IGF2BP2: variants seen among roughly 807,000 people sequenced by gnomAD.
IGF2BP2 encodes the protein insulin-like growth factor 2 mRNA-binding protein 2.
IGF2BP2 carries 17 observed loss-of-function variants against 75.8 expected under a neutral mutation model. The ratio of observed to expected loss-of-function variants is 0.22; its 90% confidence interval spans 0.15 to 0.34. The LOEUF is 0.34. IGF2BP2 is among the 10% of genes least tolerant of loss of function. The pLI is 1.00. For synonymous variants in IGF2BP2, 288 were observed against 295.6 expected, an observed-to-expected ratio of 0.97 and a Z score of 0.26; for missense variants, 516 against 772.4, an observed-to-expected ratio of 0.67 and a Z score of 3.93.
chr3:185,672,717 G>A, intron 9 of IGF2BP2, 48 bp from the exon 10 acceptor site: 1 of 1,609,690 alleles, frequency 6.2e-7, no homozygotes, highest in Non-Finnish European at 8.5e-7. Context: ...GACCAGAGAG[G>A]CCCGCACGCC....
chr3:185,735,784 T>C (rs971285699), intron 2 of IGF2BP2, among the ~76,000 whole-genome samples: 2 of 152,174 alleles, frequency 1.3e-5, no homozygotes, highest in Non-Finnish European at 2.9e-5. Flanking sequence ...CCTTTTCATT[T>C]CCATCACCAT....
intron 2 of IGF2BP2, chr3:185,722,319 T>C (rs1200666480): frequency 4.4e-6 from 2 of 449,826 alleles, no homozygotes; most frequent in East Asian, 7.1e-5. Context: ...TGCAGAGAGA[T>C]ATAAGATGAG....
chr3:185,705,622 A>G (rs542472425), intron 2 of IGF2BP2, among the ~76,000 whole-genome samples: 4 of 152,308 alleles, frequency 2.6e-5, no homozygotes, highest in African/African-American at 9.6e-5. Context: ...TACTATAACA[A>G]AACTCCATAG....
intron 7 of IGF2BP2, 122 bp from the exon 8 acceptor site, chr3:185,676,035 G>C: frequency 7.8e-7 from 1 of 1,287,782 alleles, no homozygotes; most frequent in Non-Finnish European, 1.1e-6. Context: ...AGTGATGATG[G>C]GATTTGGGAG....
Position 185,658,371 on chromosome 3 carries a change from G to A in IGF2BP2, c.1239C>T (p.His413=). 5.0e-6 allele frequency: 8 copies of A among 1,614,034 alleles called. No homozygotes were observed. Among genetic ancestry groups the A allele is most frequent in the Non-Finnish European group, 5.9e-6 (7 of 1,179,942 alleles). ...SGYFSSLYPH[H]QFGPFPHHHS... ...GATGATGCGGGAACGGGCCAAACTGGTGATGGGGGTACAGGCTGGAGAAGT... is the reference window on the plus strand; with the variant it reads ...GATGATGCGGGAACGGGCCAAACTGATGATGGGGGTACAGGCTGGAGAAGT... Residue 413 remains histidine (H), a synonymous_variant, in exon 11 of 16, where the codon CAC becomes CAT. Coordinates refer to ENST00000382199, the MANE Select transcript of IGF2BP2 (RefSeq NM_006548.6).
At chr3:185,713,133 T>C in intron 2 of IGF2BP2, 1 of 292,242 alleles carries the variant, frequency 3.4e-6, no homozygotes, top group Non-Finnish European at 6.8e-6. Context: ...GTGTGTGTCT[T>C]GGTGTAATAC....
intron 10 of IGF2BP2, among the ~76,000 whole-genome samples, chr3:185,670,962 A>C (rs1001551208): frequency 3.9e-5 from 6 of 152,092 alleles, no homozygotes; most frequent in Non-Finnish European, 7.4e-5. Context: ...CTAACGTTTG[A>C]GGTTATCTTC....
chr3:185,675,498 A>T, intron 8 of IGF2BP2, 67 bp from the exon 9 acceptor site: 1 of 1,568,042 alleles, frequency 6.4e-7, no homozygotes, highest in Non-Finnish European at 8.7e-7. Context: ...AAAAAATAAA[A>T]AAATCACAAA....
chr3:185,652,213 C>A, intron 12 of IGF2BP2, 45 bp from the exon 13 acceptor site: 1 of 1,514,526 alleles, frequency 6.6e-7, no homozygotes, highest in Non-Finnish European at 9.1e-7. Context: ...GGCTGCATTC[C>A]CCAGCCCCTC....
Position 185,824,981 on chromosome 3 carries a change from C to A in IGF2BP2, c.-21G>T, listed in dbSNP as rs773968656. On this transcript the variant is annotated 5_prime_UTR_variant, in exon 1 of 16. Coordinates refer to ENST00000382199, the MANE Select transcript of IGF2BP2 (RefSeq NM_006548.6). ...ATCATCCGTCTCTTCCCCGAGAGCC[C>A]GCGGCTCCCCCGGCCCGGTACCCGG... is the stretch of plus-strand genomic sequence containing the variant. 2.7e-6 allele frequency: 4 copies of A among 1,476,568 alleles called. No homozygotes were observed. Among genetic ancestry groups the A allele is most frequent in the Non-Finnish European group, 3.6e-6 (4 of 1,097,394 alleles). The allele number at this position is 1,476,568 out of a possible 1,614,324, so 91.5% of individuals were successfully genotyped here. A position where few individuals can be genotyped will look rare whatever the true frequency, so the allele number is the denominator to read the frequency against.
intron 10 of IGF2BP2, 34 bp downstream of exon 10, chr3:185,672,507 G>C: frequency 6.2e-7 from 1 of 1,603,432 alleles, no homozygotes; most frequent in Non-Finnish European, 8.5e-7. Context: ...GGTGCCCAGC[G>C]CATAAGCAAA....
At chr3:185,792,610 C>T (rs1397257058) in intron 2 of IGF2BP2, among the ~76,000 whole-genome samples, 2 of 151,660 alleles carry the variant, frequency 1.3e-5, no homozygotes, top group Non-Finnish European at 2.9e-5. Flanking sequence ...CTAAAAAATA[C>T]AAAAAAGTTA....
chr3:185,742,444 C>A (rs142019459), intron 2 of IGF2BP2, among the ~76,000 whole-genome samples: 3 of 151,720 alleles, frequency 2.0e-5, no homozygotes, highest in Non-Finnish European at 2.9e-5. Flanking sequence ...TGCAGTGAGC[C>A]GAGATTGCGC....
chr3:185,696,428 G>C (rs1449953310), intron 4 of IGF2BP2, 184 bp downstream of exon 4: 2 of 593,696 alleles, frequency 3.4e-6, no homozygotes, highest in Non-Finnish European at 5.9e-6. Flanking sequence ...GACATACATA[G>C]AAAGAGACAG....
intron 2 of IGF2BP2, among the ~76,000 whole-genome samples, chr3:185,747,774 A>C (rs914064854): frequency 1.3e-5 from 2 of 152,086 alleles, no homozygotes; most frequent in Admixed American, 6.5e-5. Context: ...GAATGTCCCA[A>C]ACATGGTGAT....
chr3:185,668,508 GATATAT>G (rs755033940), intron 10 of IGF2BP2, among the ~76,000 whole-genome samples: 6 of 125,776 alleles, frequency 4.8e-5, no homozygotes, highest in Admixed American at 2.4e-4. Context: ...GAGAGAGAGA[GATATAT>G]ATATATATAT....
intron 10 of IGF2BP2, among the ~76,000 whole-genome samples, chr3:185,665,278 GAGAAGAAGAAGA>G (rs1336031963): frequency 8.1e-6 from 1 of 123,462 alleles, no homozygotes; most frequent in African/African-American, 3.1e-5. Context: ...GGAGGAGAAG[GAGAAGAAGAAGA>G]AGGAGGAGAA....
intron 12 of IGF2BP2, among the ~76,000 whole-genome samples, chr3:185,654,004 A>T (rs1041773107): frequency 2.0e-5 from 3 of 152,150 alleles, no homozygotes; most frequent in African/African-American, 7.2e-5. Context: ...TGTGTGCTAT[A>T]AGCCAGCTTC....
Position 185,804,204 on chromosome 3 carries a change from C to T in IGF2BP2, c.239+18949G>A, listed in dbSNP as rs558880265. 1.6e-4 allele frequency among the ~76,000 whole-genome samples: 24 copies of T among 148,910 alleles called. No homozygotes were observed. The South Asian group carries it at 3.4e-3, about 21-fold the overall frequency. On this transcript the variant is annotated intron_variant, in intron 2 of 15. Transcript: ENST00000382199. ...CCAGGAGGCAGAGGTTGCGGTGAGCCGAGATGGCGCCATTGTACTCCAGCC... is the reference window on the plus strand; with the variant it reads ...CCAGGAGGCAGAGGTTGCGGTGAGCTGAGATGGCGCCATTGTACTCCAGCC...
Sources: gnomAD v4.1 joint callset for allele counts (sites outside exome capture counted in the v4.1 genomes callset) on GRCh38, gnomAD v4.1.1 for gene constraint, MANE v1.5 for transcripts, NCBI Gene and HGNC (gene_info 2026-07-23, HGNC 2026-07-21) for gene names.